EFCAB13: variants seen among roughly 807,000 people sequenced by gnomAD.
The protein encoded by EFCAB13 is EF-hand calcium binding domain 13.
EFCAB13 carries 91 observed loss-of-function variants against 110.2 expected under a neutral mutation model. The observed-to-expected ratio is 0.83, with a 90% CI of 0.70 to 0.98. EFCAB13 has a LOEUF of 0.98. Ranked by LOEUF, EFCAB13 falls within the 50% of genes least tolerant of loss-of-function variation. The probability of loss-of-function intolerance (pLI) is 0.00; values close to 1 mark genes in which losing one functional copy is unlikely to be tolerated. For synonymous variants in EFCAB13, 323 were observed against 369.9 expected (o/e 0.87, Z 1.45); for missense variants, 968 against 1,119.4 (o/e 0.86, Z 1.93).
chr17:47,416,701 T>C (rs1048740501), intron 23 of EFCAB13, among the ~76,000 whole-genome samples: 78 of 152,338 alleles, frequency 5.1e-4, no homozygotes, highest in Non-Finnish European at 1.2e-4. Context: ...TTTCTGTTTC[T>C]GTGTTAATGC....
intron 19 of EFCAB13, 72 bp from the exon 20 acceptor site, chr17:47,404,490 A>C: frequency 3.5e-6 from 4 of 1,157,880 alleles, no homozygotes; most frequent in Non-Finnish European, 5.0e-6. Flanking sequence ...TCATATGCTG[A>C]TTTTGATACT....
Position 47,399,680 on chromosome 17 carries a change from C to G in EFCAB13, c.1946-2452C>G, listed in dbSNP as rs550154486. Among the ~76,000 whole-genome samples the G allele has an allele frequency of 2.3e-4, 35 of 151,906 alleles. 1 individual carries two copies. The highest frequency in any genetic ancestry group is 6.8e-3 in the Middle Eastern group (2 of 294). ...GAAAAACAACTGATTCAGATTCTCTCTAGTGAAATTGAAGAGTGAGTTCTT... is the reference window on the plus strand; with the variant it reads ...GAAAAACAACTGATTCAGATTCTCTGTAGTGAAATTGAAGAGTGAGTTCTT... On this transcript the variant is annotated intron_variant, in intron 17 of 24. Coordinates refer to ENST00000331493, the MANE Select transcript of EFCAB13 (RefSeq NM_152347.5).
chr17:47,380,880 CTTTTTTTTT>C (rs751480738), intron 14 of EFCAB13, among the ~76,000 whole-genome samples: 19 of 122,908 alleles, frequency 1.5e-4, no homozygotes, highest in African/African-American at 5.2e-4. Context: ...ATTGCTTCTT[CTTTTTTTTT>C]TTTTTTTTTT....
At chr17:47,326,742 A>G (rs868459023) in intron 3 of EFCAB13, among the ~76,000 whole-genome samples, 13 of 152,204 alleles carry the variant, frequency 8.5e-5, no homozygotes, top group Admixed American at 2.6e-4. Context: ...ATTACGTAGG[A>G]TGGGTTACTG....
intron 8 of EFCAB13, 149 bp downstream of exon 8, chr17:47,345,247 A>C: frequency 1.9e-6 from 1 of 539,210 alleles, no homozygotes. Context: ...GCGGGCTGTG[A>C]GGAAGCAAAA....
At chr17:47,376,371 A>C (rs2065615454) in intron 12 of EFCAB13, among the ~76,000 whole-genome samples, 1 of 152,190 alleles carries the variant, frequency 6.6e-6, no homozygotes. Flanking sequence ...GCAGACAGAC[A>C]TGGGTAGAAG....
intron 17 of EFCAB13, among the ~76,000 whole-genome samples, chr17:47,398,177 G>A (rs1381133358): frequency 1.0e-4 from 14 of 135,956 alleles, no homozygotes; most frequent in African/African-American, 3.6e-4. Context: ...CTGCCCAGCC[G>A]CCCCTACTGG....
intron 9 of EFCAB13, among the ~76,000 whole-genome samples, chr17:47,349,248 T>C (rs1423013894): frequency 6.6e-6 from 1 of 152,208 alleles, no homozygotes. Flanking sequence ...TCAGATGACA[T>C]TAAATTGAAA....
Position 47,395,912 on chromosome 17 carries a change from C to A in EFCAB13, c.1880C>A (p.Ser627Tyr). Residue 627 changes from serine (S) to tyrosine (Y), a missense_variant, in exon 17 of 25, where the codon TCT becomes TAT. Coordinates refer to ENST00000331493, the MANE Select transcript of EFCAB13 (RefSeq NM_152347.5). ...MSVSDLWNTLSSLNSNLKKDE... is the reference protein window; with the variant it reads ...MSVSDLWNTLYSLNSNLKKDE... The stretch of plus-strand genomic sequence containing the variant: ...GTTTCTGACCTGTGGAATACTCTGT[C>A]TAGTTTGAATAGTAATTTAAAAAAG... 1 of 1,610,916 alleles carries A rather than the reference C, an allele frequency of 6.2e-7. No individual in the cohort carries two copies. The highest frequency in any genetic ancestry group is 2.2e-5 in the East Asian group (1 of 44,818).
At chr17:47,411,149 T>C (rs2065832379) in intron 21 of EFCAB13, among the ~76,000 whole-genome samples, 1 of 152,182 alleles carries the variant, frequency 6.6e-6, no homozygotes, top group Non-Finnish European at 1.5e-5. Context: ...TTCCAAATCT[T>C]TTGTTGTTAA....
At chr17:47,432,639 A>AT (rs1431809383) in intron 24 of EFCAB13, among the ~76,000 whole-genome samples, 4 of 152,128 alleles carry the variant, frequency 2.6e-5, no homozygotes, top group Non-Finnish European at 2.9e-5. Context: ...ATTATAAAGT[A>AT]TTCATATTTG....
At chr17:47,423,640 G>A in intron 23 of EFCAB13, 3 of 378,742 alleles carry the variant, frequency 7.9e-6, no homozygotes, top group Non-Finnish European at 1.4e-5. Flanking sequence ...CGCTTCTCTG[G>A]GTTCCAGGTA....
At chr17:47,375,009 A>G in intron 12 of EFCAB13, 43 bp downstream of exon 12, 1 of 1,508,668 alleles carries the variant, frequency 6.6e-7, no homozygotes. Flanking sequence ...GTCATCACAG[A>G]AATGAACAGA....
chr17:47,344,375 A>T, intron 7 of EFCAB13, 83 bp downstream of exon 7: 1 of 1,461,564 alleles, frequency 6.8e-7, no homozygotes. Context: ...TCCCTTCCAC[A>T]TAAAGAATAT....
chr17:47,356,899 T>TG (rs2065483505), intron 9 of EFCAB13, among the ~76,000 whole-genome samples: 1 of 152,182 alleles, frequency 6.6e-6, no homozygotes, highest in African/African-American at 2.4e-5. Context: ...GGGTGGGCCT[T>TG]GCTGCAGCTG....
rs1445586475 is a variant in EFCAB13 at position 47,431,832 on chromosome 17, A to C, written c.2638+1871A>C. Among the ~76,000 whole-genome samples, 1 of 152,186 alleles carries C rather than the reference A, an allele frequency of 6.6e-6. No individual in the cohort carries two copies. The highest frequency in any genetic ancestry group is 1.5e-5 in the Non-Finnish European group (1 of 68,040). ...TTACTGATGTTTTATTTCTTTGTTC[A>C]ATAGTTACTGAAACAGTTGTTCTAA... On this transcript the variant is annotated intron_variant, in intron 24 of 24. Coordinates refer to ENST00000331493, the MANE Select transcript of EFCAB13 (RefSeq NM_152347.5). The surrounding 1 kb of genome is among the most constrained non-coding windows in gnomAD (Gnocchi z 4.1).
At chr17:47,348,238 C>T (rs7223283) in intron 9 of EFCAB13, among the ~76,000 whole-genome samples, 79,010 of 150,158 alleles carry the variant, frequency 0.53, 21,231 homozygotes, top group Middle Eastern at 0.58. Flanking sequence ...TATTTAGTTA[C>T]GTAATTTAAA....
intron 9 of EFCAB13, among the ~76,000 whole-genome samples, chr17:47,353,068 C>T (rs1174443424): frequency 3.3e-5 from 5 of 151,764 alleles, no homozygotes; most frequent in Non-Finnish European, 7.4e-5. Flanking sequence ...ATGCCTGTTA[C>T]TTTTTTTTCT....
At chr17:47,345,167 A>G in intron 8 of EFCAB13, 69 bp downstream of exon 8, 1 of 1,107,630 alleles carries the variant, frequency 9.0e-7, no homozygotes. Flanking sequence ...TTGTTTCAGC[A>G]GTTAGTGCCT....
Sources: allele counts gnomAD v4.1 joint callset (sites outside exome capture counted in the v4.1 genomes callset), GRCh38; gene constraint gnomAD v4.1.1; non-coding constraint Gnocchi (gnomAD v3.1); transcripts MANE v1.5; gene names NCBI Gene and HGNC (gene_info 2026-07-23, HGNC 2026-07-21).